IL1RAPL2: variants seen among roughly 807,000 people sequenced by gnomAD.
The protein encoded by IL1RAPL2 is X-linked interleukin-1 receptor accessory protein-like 2.
A neutral mutation model predicts 44.1 loss-of-function variants in IL1RAPL2; 3 were observed. The observed-to-expected ratio is 0.07, with a 90% confidence interval of 0.03 to 0.18. The LOEUF (loss-of-function observed/expected upper bound fraction) is 0.18. Ranked by LOEUF, IL1RAPL2 falls within the 10% of genes least tolerant of loss-of-function variation. IL1RAPL2 has a pLI of 1.00. For missense variants in IL1RAPL2, 391 were observed against 496.4 expected (o/e 0.79, Z 2.02); for synonymous variants, 181 against 178.8 (o/e 1.01, Z -0.10).
At chrX:105,723,404 T>C (rs1227037896) in intron 7 of IL1RAPL2, among the ~76,000 whole-genome samples, 6 of 111,762 alleles carry the variant, frequency 5.4e-5, no homozygotes, top group African/African-American at 1.6e-4. Context: ...TCCTCTTCTA[T>C]TGAACCCTCA....
rs1602638211 is a variant in IL1RAPL2, at chrX:104,602,100, A to T, written c.-20+35049A>T. Among the ~76,000 whole-genome samples, 4 of 111,660 alleles carry T rather than the reference A, an allele frequency of 3.6e-5. No individual in the cohort carries two copies. The Admixed American group carries it at 3.8e-4, about 11-fold the overall frequency. On this transcript the variant is annotated intron_variant, in intron 1 of 10. Transcript: ENST00000372582. ...AGCTCCCAGTGAGATTGACACAGAGACGGGTGATTTCTGCATTTCCAACTG... is the reference window on the plus strand; with the variant it reads ...AGCTCCCAGTGAGATTGACACAGAGTCGGGTGATTTCTGCATTTCCAACTG...
intron 2 of IL1RAPL2, among the ~76,000 whole-genome samples, chrX:104,684,882 A>G (rs1368036069): frequency 8.9e-6 from 1 of 112,299 alleles, no homozygotes; most frequent in African/African-American, 3.2e-5. Flanking sequence ...CTGTGGCAGC[A>G]CTGTGTTTGG....
At chrX:105,609,659 G>A (rs371818280) in intron 6 of IL1RAPL2, among the ~76,000 whole-genome samples, 23 of 111,425 alleles carry the variant, frequency 2.1e-4, no homozygotes, top group African/African-American at 6.5e-4. Flanking sequence ...GAATAGATAC[G>A]GTTTTATCAG....
At chrX:105,453,623 A>G (rs764765733) in intron 5 of IL1RAPL2, among the ~76,000 whole-genome samples, 1 of 112,220 alleles carries the variant, frequency 8.9e-6, no homozygotes, top group Non-Finnish European at 1.9e-5. Flanking sequence ...TCCAGCCAGG[A>G]GTAAAGATAC....
intron 5 of IL1RAPL2, among the ~76,000 whole-genome samples, chrX:105,306,100 T>G (rs2147677377): frequency 9.0e-6 from 1 of 111,724 alleles, no homozygotes; most frequent in East Asian, 2.8e-4. Context: ...TTCACAAATT[T>G]TATTGCAGAG....
chrX:104,822,009 C>A (rs1921317308), intron 2 of IL1RAPL2, among the ~76,000 whole-genome samples: 1 of 112,168 alleles, frequency 8.9e-6, no homozygotes, highest in Non-Finnish European at 1.9e-5. Flanking sequence ...TGATGAGCTT[C>A]TTTTCATATA....
At chrX:105,596,890 C>T (rs1203387315) in intron 6 of IL1RAPL2, among the ~76,000 whole-genome samples, 1 of 111,597 alleles carries the variant, frequency 9.0e-6, no homozygotes, top group Non-Finnish European at 1.9e-5. Flanking sequence ...AGAGAAAAGC[C>T]CTTTGACATT....
intron 10 of IL1RAPL2, among the ~76,000 whole-genome samples, 179 bp from the exon 11 acceptor site, chrX:105,766,785 C>T (rs113746050): frequency 0.12 from 12,429 of 100,426 alleles, 1,792 homozygotes; most frequent in African/African-American, 0.43. Flanking sequence ...AAGAAAATAA[C>T]GATTATAAGC....
At chrX:105,508,619 C>G (rs1230607005) in intron 6 of IL1RAPL2, among the ~76,000 whole-genome samples, 2 of 108,820 alleles carry the variant, frequency 1.8e-5, no homozygotes, top group Non-Finnish European at 3.8e-5. Flanking sequence ...GTGAAGCCAC[C>G]CACAGAAGGC....
At chrX:105,127,706 C>T (rs376185101) in intron 2 of IL1RAPL2, among the ~76,000 whole-genome samples, 17 of 110,550 alleles carry the variant, frequency 1.5e-4, no homozygotes, top group Admixed American at 5.8e-4. Context: ...GTTTTTATAC[C>T]AAATCTGAAC....
intron 3 of IL1RAPL2, among the ~76,000 whole-genome samples, chrX:105,224,602 A>G (rs982269042): frequency 2.2e-4 from 25 of 112,026 alleles, no homozygotes; most frequent in Non-Finnish European, 4.5e-4. Flanking sequence ...GGGGAAAATA[A>G]TCTGATATTT....
chrX:105,046,876 A>G (rs2031846112), intron 2 of IL1RAPL2, among the ~76,000 whole-genome samples: 1 of 104,629 alleles, frequency 9.6e-6, no homozygotes, highest in Non-Finnish European at 2.0e-5. Flanking sequence ...AACACAAGCA[A>G]TTTGTCTCAG....
intron 2 of IL1RAPL2, among the ~76,000 whole-genome samples, chrX:105,132,065 T>A (rs889055189): frequency 3.6e-5 from 4 of 109,820 alleles, no homozygotes; most frequent in African/African-American, 1.3e-4. Flanking sequence ...ATGAAAATAG[T>A]TTGAAAGCAA....
At chrX:105,113,107 A>G (rs1482774074) in intron 2 of IL1RAPL2, among the ~76,000 whole-genome samples, 1 of 112,449 alleles carries the variant, frequency 8.9e-6, no homozygotes, top group African/African-American at 3.2e-5. Flanking sequence ...GGCTGTAATT[A>G]TATAGGGGAG....
chrX:105,047,377 A>G (rs775947054), intron 2 of IL1RAPL2, among the ~76,000 whole-genome samples: 3 of 111,850 alleles, frequency 2.7e-5, no homozygotes, highest in African/African-American at 9.8e-5. Flanking sequence ...TAAAATTGGC[A>G]TGCTGTTTTA....
chrX:104,956,771 G>A lies in IL1RAPL2; in HGVS notation c.83-238704G>A, dbSNP rs188250311. On this transcript the variant is annotated intron_variant, in intron 2 of 10. Coordinates refer to ENST00000372582, the MANE Select transcript of IL1RAPL2 (RefSeq NM_017416.2). ...TGGTGGCCAAGGGTTTGCCACTGAC[G>A]TACATACTCTGTCCTTTTTTCTCAC... is the stretch of plus-strand genomic sequence containing the variant. Among the ~76,000 whole-genome samples the A allele has an allele frequency of 6.3e-5, 7 of 111,653 alleles. No individual in the cohort carries two copies. The East Asian group carries it at 1.4e-3, about 23-fold the overall frequency.
rs185085512 is a variant in IL1RAPL2 at position 104,881,146 on chromosome X, G to A, written c.82+222151G>A. On this transcript the variant is annotated intron_variant, in intron 2 of 10. Transcript: ENST00000372582. ...ATGTAAGATTATCATCTCATTTTAA[G>A]ATGGCATTTTATTAATTAAGAGTGA... 6.3e-3 allele frequency among the ~76,000 whole-genome samples: 705 copies of A among 111,482 alleles called. 3 individuals carry two copies. The highest frequency in any genetic ancestry group is 0.022 in the African/African-American group (672 of 30,742).
At chrX:105,354,962 C>G (rs776127324) in intron 5 of IL1RAPL2, among the ~76,000 whole-genome samples, 6 of 111,852 alleles carry the variant, frequency 5.4e-5, no homozygotes, top group Non-Finnish European at 1.1e-4. Context: ...GCCTTGAAGT[C>G]ATTCCTTTCT....
chrX:105,524,384 G>C (rs1482861293), intron 6 of IL1RAPL2, among the ~76,000 whole-genome samples: 1 of 110,257 alleles, frequency 9.1e-6, no homozygotes, highest in Non-Finnish European at 1.9e-5. Context: ...AGAGATTTAG[G>C]CTCCAATAAT....
Sources: allele counts gnomAD v4.1 joint callset (sites outside exome capture counted in the v4.1 genomes callset), GRCh38; gene constraint gnomAD v4.1.1; transcripts MANE v1.5; gene names NCBI Gene and HGNC (gene_info 2026-07-23, HGNC 2026-07-21).